Variants in CFAP74 observed in about 807,000 individuals in gnomAD.
The protein encoded by CFAP74 is cilia and flagella associated protein 74.
Under a neutral mutation model 188.9 loss-of-function variants are expected in CFAP74, and 124 were observed. That is an observed-to-expected ratio of 0.66 (90% confidence interval 0.57 to 0.76). CFAP74 has a LOEUF of 0.76. Among genes scored for constraint, CFAP74 ranks in the 30% least tolerant of loss-of-function variants. The probability of loss-of-function intolerance (pLI) is 0.00; values close to 1 mark genes in which losing one functional copy is unlikely to be tolerated. For missense variants in CFAP74, 2,198 were observed against 2,165.2 expected, an observed-to-expected ratio of 1.02 and a Z score of -0.30; for synonymous variants, 956 against 916.7, an observed-to-expected ratio of 1.04 and a Z score of -0.77.
Position 1,970,899 on chromosome 1 carries a change from A to T in CFAP74, c.889-83T>A, listed in dbSNP as rs893864675. The T allele has an allele frequency of 2.6e-6, 4 of 1,528,232 alleles. No homozygotes were observed. In the African/African-American group the frequency reaches 5.5e-5, roughly 21 times the overall value. 94.7% of individuals were successfully genotyped at this position (1,528,232 alleles called of 1,614,324 possible). A position where few individuals can be genotyped will look rare whatever the true frequency, so the allele number is the denominator to read the frequency against. Reference sequence around the variant, plus strand: ...CTCACACCTGCACATGTGCACACACAGGTTCATACATGCACACGTGCACAC... The same window carrying T: ...CTCACACCTGCACATGTGCACACACTGGTTCATACATGCACACGTGCACAC... On this transcript the variant is annotated intron_variant, in intron 9 of 38. Transcript: ENST00000682832.
chr1:1,987,290 G>C (rs1053592362), intron 4 of CFAP74, among the ~76,000 whole-genome samples: 1 of 152,224 alleles, frequency 6.6e-6, no homozygotes, highest in Non-Finnish European at 1.5e-5. Flanking sequence ...GACGGTGCAG[G>C]AGCGGGAGGG....
intron 37 of CFAP74, 87 bp downstream of exon 37, chr1:1,922,898 G>A (rs1309551057): frequency 4.0e-6 from 6 of 1,499,716 alleles, no homozygotes; most frequent in African/African-American, 1.4e-5. Context: ...AGCCCAGTGA[G>A]GGGCAAGGCC....
intron 10 of CFAP74, among the ~76,000 whole-genome samples, chr1:1,969,185 G>A (rs1048983959): frequency 7.4e-6 from 1 of 134,346 alleles, no homozygotes; most frequent in Non-Finnish European, 1.6e-5. Context: ...GCCCAGCCCT[G>A]CCCAGCCCTG....
Position 1,940,373 on chromosome 1 carries a change from A to G in CFAP74, c.2646T>C (p.Tyr882=). 1 of 1,535,326 alleles carries G rather than the reference A, an allele frequency of 6.5e-7. No homozygotes were observed. Among genetic ancestry groups the G allele is most frequent in the Non-Finnish European group, 8.7e-7 (1 of 1,146,520 alleles). The change falls in exon 23 of 39, where the codon TAT becomes TAC. Residue 882 remains tyrosine, a synonymous_variant. Coordinates refer to ENST00000682832, the MANE Select transcript of CFAP74 (RefSeq NM_001304360.2). ...RHSLPEDAGR[Y]FDKETRVLEA... ...CCAGGACTCGGGTCTCCTTGTCAAAATACCTCCCTGCGTCCTCCGGGAGGG... is the reference window on the plus strand; with the variant it reads ...CCAGGACTCGGGTCTCCTTGTCAAAGTACCTCCCTGCGTCCTCCGGGAGGG...
chr1:1,923,495 A>G lies in CFAP74; in HGVS notation c.4394T>C (p.Ile1465Thr), dbSNP rs780580170. 21 of 1,608,012 alleles carry G rather than the reference A, an allele frequency of 1.3e-5. No homozygotes were observed. The highest frequency in any genetic ancestry group is 1.1e-4 in the East Asian group (5 of 44,710). Reference protein sequence around the residue: ...KLQVVLFEKKISHQILLKGAA... With the variant: ...KLQVVLFEKKTSHQILLKGAA... ...ACCCTTCAGCAGGATCTGGTGGGAG[A>G]TTTTCTGGGGACAAGAAGTGGAGTG... Residue 1465 changes from isoleucine (I) to threonine (T), a missense_variant, in exon 36 of 39, where the codon ATC becomes ACC. Transcript: ENST00000682832. The surrounding 1 kb of genome is among the most constrained non-coding windows in gnomAD (Gnocchi z 6.3).
chr1:1,942,780 C>T lies in CFAP74; in HGVS notation c.2487-624G>A, dbSNP rs551842344. 5.3e-5 allele frequency among the ~76,000 whole-genome samples: 8 copies of T among 152,182 alleles called. No individual in the cohort carries two copies. The highest frequency in any genetic ancestry group is 1.3e-4 in the Admixed American group (2 of 15,286). On this transcript the variant is annotated intron_variant, in intron 21 of 38. Coordinates refer to ENST00000682832, the MANE Select transcript of CFAP74 (RefSeq NM_001304360.2). The surrounding 1 kb of genome is among the most constrained non-coding windows in gnomAD (Gnocchi z 4.3). ...ACAGTGAAGCCTCCCTCCCCTCCCCCGTCTTGGAGCCTCTGCTAAACAGTG... is the reference window on the plus strand; with the variant it reads ...ACAGTGAAGCCTCCCTCCCCTCCCCTGTCTTGGAGCCTCTGCTAAACAGTG...
At chr1:1,989,225 C>G (rs1657433206) in intron 2 of CFAP74, among the ~76,000 whole-genome samples, 1 of 152,072 alleles carries the variant, frequency 6.6e-6, no homozygotes, top group Non-Finnish European at 1.5e-5. Flanking sequence ...AAGGGCACAG[C>G]ACCGCTTGGC....
At chr1:1,945,995 T>G (rs1653739483) in intron 20 of CFAP74, among the ~76,000 whole-genome samples, 1 of 145,024 alleles carries the variant, frequency 6.9e-6, no homozygotes, top group South Asian at 2.2e-4. Flanking sequence ...TCTGCATGTG[T>G]GCATGTGTGC....
intron 25 of CFAP74, among the ~76,000 whole-genome samples, chr1:1,936,625 C>T (rs933569568): frequency 7.9e-5 from 12 of 152,088 alleles, no homozygotes; most frequent in African/African-American, 1.7e-4. Flanking sequence ...GGAGGAGAGC[C>T]GCGCACAGTG....
In CFAP74 at chr1:1,968,464, T is replaced by C. The variant is rs1238310878; in HGVS notation, c.1245+171A>G. Among the ~76,000 whole-genome samples the C allele has an allele frequency of 6.6e-6, 1 of 151,828 alleles. No individual in the cohort carries two copies. Among genetic ancestry groups the C allele is most frequent in the African/African-American group, 2.4e-5 (1 of 41,310 alleles). On this transcript the variant is annotated intron_variant, in intron 11 of 38. Coordinates refer to ENST00000682832, the MANE Select transcript of CFAP74 (RefSeq NM_001304360.2). This position sits in a 1 kb window ranked among gnomAD's most constrained non-coding sequence, Gnocchi z 4.3. ...CATGTGGTGGGTCCGTAGTGTGTCT[T>C]GTCCCCTTGTCCTTGAGCTGAGTGG...
In CFAP74 at chr1:1,942,257, C is replaced by T; in HGVS notation, c.2487-101G>A. ...AAAACATTTCTGGCACCCAAGCCCC[C>T]GAGAGGTGCTCAGAGCCCACCCACT... On this transcript the variant is annotated intron_variant, in intron 21 of 38. Transcript: ENST00000682832. This position sits in a 1 kb window ranked among gnomAD's most constrained non-coding sequence, Gnocchi z 4.3. The T allele has an allele frequency of 2.4e-6, 3 of 1,233,474 alleles. No individual in the cohort carries two copies. The highest frequency in any genetic ancestry group is 3.2e-6 in the Non-Finnish European group (3 of 943,490). 76.4% of individuals were successfully genotyped at this position (1,233,474 alleles called of 1,614,324 possible). A position where few individuals can be genotyped will look rare whatever the true frequency, so the allele number is the denominator to read the frequency against.
chr1:1,926,387 G>T, intron 31 of CFAP74, 40 bp from the exon 32 acceptor site: 1 of 1,550,162 alleles, frequency 6.5e-7, no homozygotes, highest in East Asian at 2.4e-5. Context: ...GGTGTCTGCA[G>T]GCTCTACCAC....
intron 9 of CFAP74, among the ~76,000 whole-genome samples, 198 bp downstream of exon 9, chr1:1,971,782 C>T (rs992312307): frequency 1.3e-5 from 2 of 152,266 alleles, no homozygotes; most frequent in Admixed American, 1.3e-4. Context: ...CTGCCTGACT[C>T]CAGTGCCTGG....
At chr1:1,967,246 T>G (rs17715950) in intron 11 of CFAP74, among the ~76,000 whole-genome samples, 1 of 152,108 alleles carries the variant, frequency 6.6e-6, no homozygotes, top group Non-Finnish European at 1.5e-5. Context: ...GAGCCTTGCC[T>G]ATCTGCTCTG....
At chr1:1,985,196 A>G (rs747556697) in intron 6 of CFAP74, 190 bp downstream of exon 6, 37 of 545,890 alleles carry the variant, frequency 6.8e-5, no homozygotes, top group Non-Finnish European at 8.6e-5. Flanking sequence ...ACAAACCCAG[A>G]GAAACTGAAA....
At position 1,956,687 on chromosome 1, in the gene CFAP74, G is replaced by A. The variant is rs755501705; in HGVS notation, c.1949C>T (p.Thr650Met). 75 of 1,613,990 alleles carry A rather than the reference G, an allele frequency of 4.6e-5. 1 individual carries two copies. In the South Asian group the frequency reaches 6.9e-4, roughly 15 times the overall value. Reference protein sequence around the residue: ...ITLTNVGGLGTTFKFLPASEP... With the variant: ...ITLTNVGGLGMTFKFLPASEP... ...TGAAGCTGGCAGGAACTTGAAAGTC[G>A]TGCCCAAGCCCCCAACGTTGGTCAG... The change falls in exon 17 of 39, where the codon ACG (threonine) becomes ATG (methionine). Residue 650 changes from threonine to methionine, a missense_variant. Transcript: ENST00000682832.
chr1:1,987,334 G>A (rs1281455922), intron 4 of CFAP74, among the ~76,000 whole-genome samples: 4 of 152,314 alleles, frequency 2.6e-5, no homozygotes, highest in African/African-American at 7.2e-5. Context: ...GCACTCCTGC[G>A]TGTGAAGGGC....
chr1:1,936,515 G>T (rs1652909071), intron 25 of CFAP74, among the ~76,000 whole-genome samples: 1 of 151,848 alleles, frequency 6.6e-6, no homozygotes, highest in African/African-American at 2.4e-5. Context: ...CTGCACTCCA[G>T]CCTGGCGAGA....
At position 1,987,190 on chromosome 1, in the gene CFAP74, C is replaced by T. The variant is rs1299137249; in HGVS notation, c.297-155G>A. Among the ~76,000 whole-genome samples the T allele has an allele frequency of 4.6e-5, 7 of 152,256 alleles. No homozygotes were observed. In the East Asian group the frequency reaches 1.2e-3, roughly 25 times the overall value. On this transcript the variant is annotated intron_variant, in intron 4 of 38. Coordinates refer to ENST00000682832, the MANE Select transcript of CFAP74 (RefSeq NM_001304360.2). ...GTCTCTCTAACACCTTCAAGCCACA[C>T]AAGCAGGGTCTTGTCGTCCATTTTT...
Sources: allele counts gnomAD v4.1 joint callset (sites outside exome capture counted in the v4.1 genomes callset), GRCh38; gene constraint gnomAD v4.1.1; non-coding constraint Gnocchi (gnomAD v3.1); transcripts MANE v1.5; gene names NCBI Gene and HGNC (gene_info 2026-07-23, HGNC 2026-07-21).